ADAMTSL1: variants seen among roughly 807,000 people sequenced by gnomAD.
The protein encoded by ADAMTSL1 is ADAMTS like 1.
Under a neutral mutation model 201.8 loss-of-function variants are expected in ADAMTSL1, and 126 were observed. That is an observed-to-expected ratio of 0.62 (90% CI 0.54 to 0.72). The LOEUF is 0.72. Ranked by LOEUF, ADAMTSL1 falls within the 30% of genes least tolerant of loss-of-function variation. The pLI is 0.00. For synonymous variants in ADAMTSL1, 1,121 were observed against 903.4 expected (o/e 1.24, Z -4.32); for missense variants, 2,679 against 2,277.8 (o/e 1.18, Z -3.59).
chr9:18,628,182 A>C (rs577659993), intron 5 of ADAMTSL1, among the ~76,000 whole-genome samples: 4 of 92,966 alleles, frequency 4.3e-5, no homozygotes, highest in Non-Finnish European at 9.0e-5. Context: ...TAAGACCAGG[A>C]CACAAAGATT....
At chr9:18,212,175 A>G (rs1244088621) in intron 2 of ADAMTSL1, among the ~76,000 whole-genome samples, 2 of 152,084 alleles carry the variant, frequency 1.3e-5, no homozygotes, top group Non-Finnish European at 2.9e-5. Flanking sequence ...TTAATCTACC[A>G]GTTCCTGAAA....
At chr9:18,906,952 T>G (rs377713921) in intron 28 of ADAMTSL1, 40 bp downstream of exon 28, 1 of 1,608,118 alleles carries the variant, frequency 6.2e-7, no homozygotes, top group Non-Finnish European at 8.5e-7. Flanking sequence ...AAATTCCCCA[T>G]AGAGCATCGA....
chr9:18,186,403 A>G (rs1318788216), intron 2 of ADAMTSL1, among the ~76,000 whole-genome samples: 1 of 152,166 alleles, frequency 6.6e-6, no homozygotes, highest in East Asian at 1.9e-4. Context: ...GTAGGATGAT[A>G]TCATGTGAGT....
At chr9:18,760,540 C>A (rs1820016804) in intron 16 of ADAMTSL1, among the ~76,000 whole-genome samples, 1 of 152,194 alleles carries the variant, frequency 6.6e-6, no homozygotes, top group African/African-American at 2.4e-5. Flanking sequence ...CCTATTAATA[C>A]CTCACAAAGC....
intron 2 of ADAMTSL1, among the ~76,000 whole-genome samples, chr9:18,284,007 G>C (rs1832900866): frequency 6.6e-6 from 1 of 151,248 alleles, no homozygotes; most frequent in South Asian, 2.1e-4. Flanking sequence ...GAGGAGGGCA[G>C]ATCACCTGAA....
Position 18,509,178 on chromosome 9 carries a change from G to A in ADAMTSL1, c.191+4222G>A, listed in dbSNP as rs1330048341. Among the ~76,000 whole-genome samples, 10 of 106,156 alleles carry A rather than the reference G, an allele frequency of 9.4e-5. 1 individual carries two copies. The highest frequency in any genetic ancestry group is 2.6e-4 in the African/African-American group (7 of 27,124). 69.6% of individuals were successfully genotyped at this position (106,156 alleles called of 152,430 possible). On this transcript the variant is annotated intron_variant, in intron 2 of 28. Transcript: ENST00000380548. ...CGCAGTCCGGCCTGGGCGACAGAGC[G>A]AGACTCCGTCTCAAAAAAAAAAAAA...
chr9:18,703,380 T>C (rs1832037470), intron 13 of ADAMTSL1, among the ~76,000 whole-genome samples: 1 of 152,138 alleles, frequency 6.6e-6, no homozygotes, highest in Non-Finnish European at 1.5e-5. Context: ...TATTCATTTG[T>C]CCATTTGCAC....
chr9:18,888,191 G>A (rs1055922558), intron 24 of ADAMTSL1, 148 bp downstream of exon 24: 1 of 828,074 alleles, frequency 1.2e-6, no homozygotes, highest in Non-Finnish European at 1.8e-6. Flanking sequence ...CATACAGTGA[G>A]ACCCTACTTC....
chr9:18,412,885 G>A (rs911978126), intron 2 of ADAMTSL1, among the ~76,000 whole-genome samples: 2 of 152,000 alleles, frequency 1.3e-5, no homozygotes, highest in African/African-American at 2.4e-5. Context: ...AGAAGCTCTG[G>A]TTCCTTTAAA....
chr9:18,437,974 A>G (rs1819815328), intron 2 of ADAMTSL1, among the ~76,000 whole-genome samples: 1 of 152,146 alleles, frequency 6.6e-6, no homozygotes, highest in Non-Finnish European at 1.5e-5. Context: ...CTGTCTGCTA[A>G]TGCCCGCTGC....
intron 8 of ADAMTSL1, among the ~76,000 whole-genome samples, chr9:18,659,923 A>ATTT (rs1564127656): frequency 3.1e-4 from 38 of 123,240 alleles, no homozygotes; most frequent in African/African-American, 5.4e-4. Context: ...TTTTTTTAAA[A>ATTT]AAAAAAATGA....
chr9:18,725,452 C>A (rs1817822623), intron 15 of ADAMTSL1, among the ~76,000 whole-genome samples: 1 of 152,124 alleles, frequency 6.6e-6, no homozygotes, highest in Non-Finnish European at 1.5e-5. Context: ...TGTGAGCTGC[C>A]AGTGAGAATT....
At chr9:18,904,610 G>A (rs577624662) in intron 26 of ADAMTSL1, among the ~76,000 whole-genome samples, 7 of 110,288 alleles carry the variant, frequency 6.3e-5, no homozygotes, top group Admixed American at 1.4e-4. Flanking sequence ...CTCCAGCCTG[G>A]GCAACAGAAA....
chr9:18,635,897 TG>T, intron 5 of ADAMTSL1, 45 bp from the exon 6 acceptor site: 1 of 1,523,750 alleles, frequency 6.6e-7, no homozygotes, highest in Non-Finnish European at 9.0e-7. Flanking sequence ...TCAATAATTT[TG>T]TGTCAAGTGA....
At chr9:18,798,428 T>A (rs1326551972) in intron 20 of ADAMTSL1, among the ~76,000 whole-genome samples, 2 of 152,204 alleles carry the variant, frequency 1.3e-5, no homozygotes, top group Non-Finnish European at 2.9e-5. Flanking sequence ...CAATCATTCA[T>A]AAAAAATGTT....
chr9:18,378,889 T>C (rs73432624), intron 2 of ADAMTSL1, among the ~76,000 whole-genome samples: 13,311 of 152,122 alleles, frequency 0.088, 1,498 homozygotes, highest in African/African-American at 0.27. Flanking sequence ...ATAAACATAA[T>C]TGATAGAGTA....
intron 2 of ADAMTSL1, among the ~76,000 whole-genome samples, chr9:18,456,635 A>G (rs796168008): frequency 2.0e-5 from 3 of 152,110 alleles, no homozygotes; most frequent in East Asian, 1.9e-4. Context: ...CGATTACCAC[A>G]TTTCTATTTT....
At chr9:18,135,199 A>C (rs961472945) in intron 1 of ADAMTSL1, among the ~76,000 whole-genome samples, 1 of 152,190 alleles carries the variant, frequency 6.6e-6, no homozygotes, top group Non-Finnish European at 1.5e-5. Context: ...CTAGTTAAGT[A>C]AAAAACATAA....
intron 1 of ADAMTSL1, among the ~76,000 whole-genome samples, chr9:18,006,055 A>G (rs972929178): frequency 1.3e-5 from 2 of 151,968 alleles, no homozygotes; most frequent in African/African-American, 2.4e-5. Context: ...GACTGCAGTA[A>G]TGAGGTGGTA....
Sources: gnomAD v4.1 joint callset for allele counts (sites outside exome capture counted in the v4.1 genomes callset) on GRCh38, gnomAD v4.1.1 for gene constraint, MANE v1.5 for transcripts, NCBI Gene and HGNC (gene_info 2026-07-23, HGNC 2026-07-21) for gene names.